The following ATG10 variants were observed in gnomAD, a reference collection of about 807,000 sequenced individuals.
ATG10 encodes the protein ubiquitin-like-conjugating enzyme ATG10.
A neutral mutation model predicts 32.1 loss-of-function variants in ATG10; 30 were observed. The ratio of observed to expected loss-of-function variants is 0.94; its 90% CI spans 0.70 to 1.27. The LOEUF is 1.27. Among genes scored for constraint, ATG10 ranks in the 50% most tolerant of loss-of-function variants. The pLI is 0.00. For missense variants in ATG10, 233 were observed against 262.3 expected, an observed-to-expected ratio of 0.89 and a Z score of 0.77; for synonymous variants, 87 against 91.5, an observed-to-expected ratio of 0.95 and a Z score of 0.28.
At chr5:82,173,089 G>A (rs1341742138) in intron 4 of ATG10, among the ~76,000 whole-genome samples, 1 of 152,056 alleles carries the variant, frequency 6.6e-6, no homozygotes, top group African/African-American at 2.4e-5. Context: ...ATTTCTAATG[G>A]CCACATTCAG....
intron 3 of ATG10, among the ~76,000 whole-genome samples, chr5:82,097,571 T>A (rs1765111145): frequency 6.6e-6 from 1 of 152,208 alleles, no homozygotes; most frequent in Non-Finnish European, 1.5e-5. Context: ...ATTTAATTTT[T>A]AAATATATTT....
At chr5:82,059,437 AT>A (rs1763701403) in intron 3 of ATG10, among the ~76,000 whole-genome samples, 1 of 150,814 alleles carries the variant, frequency 6.6e-6, no homozygotes, top group African/African-American at 2.4e-5. Context: ...GAACAAGTAT[AT>A]CATGGACATC....
chr5:82,084,290 T>C (rs1164380886), intron 3 of ATG10, among the ~76,000 whole-genome samples: 1 of 151,176 alleles, frequency 6.6e-6, no homozygotes, highest in African/African-American at 2.4e-5. Flanking sequence ...GTAAAAAGAG[T>C]AAAAAGAAAC....
At chr5:81,977,632 CT>C (rs1020606175) in intron 1 of ATG10, among the ~76,000 whole-genome samples, 5 of 152,342 alleles carry the variant, frequency 3.3e-5, no homozygotes, top group African/African-American at 1.2e-4. Context: ...CAGACCCTGT[CT>C]TTGCAGGAGC....
intron 5 of ATG10, among the ~76,000 whole-genome samples, chr5:82,240,786 T>C (rs1746757583): frequency 6.6e-6 from 1 of 152,190 alleles, no homozygotes. Context: ...TATGTACAAC[T>C]ATTATATATC....
intron 3 of ATG10, among the ~76,000 whole-genome samples, chr5:82,142,889 C>CT (rs2149868089): frequency 6.6e-6 from 1 of 152,264 alleles, no homozygotes; most frequent in South Asian, 2.1e-4. Flanking sequence ...TTTTGGACAT[C>CT]TGGGTATTAT....
At chr5:82,234,572 C>G (rs531424337) in intron 5 of ATG10, among the ~76,000 whole-genome samples, 4 of 152,172 alleles carry the variant, frequency 2.6e-5, no homozygotes, top group African/African-American at 7.2e-5. Context: ...TTGAAGGTCA[C>G]GCTAGCTCTG....
At chr5:82,162,382 A>G (rs560904694) in intron 3 of ATG10, among the ~76,000 whole-genome samples, 1 of 152,324 alleles carries the variant, frequency 6.6e-6, no homozygotes, top group Non-Finnish European at 1.5e-5. Context: ...ATTAAAAACA[A>G]TATTCAGTAT....
rs542551629 is a variant in ATG10 at position 82,086,403 on chromosome 5, A to C, written c.216+27801A>C. Among the ~76,000 whole-genome samples the C allele has an allele frequency of 2.6e-5, 4 of 152,332 alleles. No homozygotes were observed. In the South Asian group the frequency reaches 8.3e-4, roughly 32 times the overall value. On this transcript the variant is annotated intron_variant, in intron 3 of 7. Transcript: ENST00000282185. ...AACAATAACAATAGCCAAGTAAATT[A>C]GTATAGTAATAGCTTTAGGGATATA...
At chr5:82,217,054 C>CA (rs144022531) in intron 5 of ATG10, among the ~76,000 whole-genome samples, 67,668 of 144,092 alleles carry the variant, frequency 0.47, 16,812 homozygotes, top group African/African-American at 0.67. Flanking sequence ...GACTCAGTCT[C>CA]AAAAAAAAAA....
intron 2 of ATG10, among the ~76,000 whole-genome samples, chr5:82,004,511 A>G (rs1387636061): frequency 6.6e-6 from 1 of 152,224 alleles, no homozygotes; most frequent in Non-Finnish European, 1.5e-5. Flanking sequence ...ACCTGACCCT[A>G]TTTCTTCAAA....
At chr5:82,210,442 C>T (rs918703866) in intron 5 of ATG10, among the ~76,000 whole-genome samples, 2 of 152,118 alleles carry the variant, frequency 1.3e-5, no homozygotes, top group Non-Finnish European at 2.9e-5. Flanking sequence ...TGTAGTCTTT[C>T]CAAATCCCAT....
intron 3 of ATG10, among the ~76,000 whole-genome samples, chr5:82,123,499 T>C (rs375404345): frequency 6.6e-6 from 1 of 150,874 alleles, no homozygotes; most frequent in East Asian, 1.9e-4. Flanking sequence ...AAACTTCACA[T>C]GTATCCCTAA....
intron 5 of ATG10, among the ~76,000 whole-genome samples, chr5:82,181,036 A>G (rs553739391): frequency 3.3e-5 from 5 of 152,288 alleles, no homozygotes; most frequent in East Asian, 1.9e-4. Flanking sequence ...CTTTCATTTT[A>G]TAGTTATTTC....
intron 3 of ATG10, among the ~76,000 whole-genome samples, chr5:82,112,365 G>A (rs1308887796): frequency 6.6e-6 from 1 of 151,792 alleles, no homozygotes; most frequent in Non-Finnish European, 1.5e-5. Context: ...TGAATCTTTT[G>A]TATAGGTACT....
In ATG10 at chr5:82,022,433, A is replaced by G. The variant is rs1343280660; in HGVS notation, c.108+34755A>G. ...AGCCTCCACCTCCCAGGTTCAAGCA[A>G]TTCTCCTGCCTCAGCCTCCCGAGTA... On this transcript the variant is annotated intron_variant, in intron 2 of 7. Coordinates refer to ENST00000282185, the MANE Select transcript of ATG10 (RefSeq NM_031482.5). 6.0e-5 allele frequency among the ~76,000 whole-genome samples: 9 copies of G among 150,262 alleles called. No individual in the cohort carries two copies. In the South Asian group the frequency reaches 6.4e-4, roughly 11 times the overall value.
intron 2 of ATG10, among the ~76,000 whole-genome samples, chr5:82,043,032 C>T (rs886992910): frequency 1.3e-5 from 2 of 152,304 alleles, no homozygotes; most frequent in Admixed American, 6.5e-5. Context: ...GGGGCTCCAA[C>T]CCCACATTTT....
chr5:82,135,571 C>T (rs1327264945), intron 3 of ATG10, among the ~76,000 whole-genome samples: 1 of 152,168 alleles, frequency 6.6e-6, no homozygotes, highest in Non-Finnish European at 1.5e-5. Context: ...AATTTGTTTG[C>T]ACTGTGATCT....
At chr5:82,030,091 C>A (rs11741569) in intron 2 of ATG10, among the ~76,000 whole-genome samples, 1 of 152,064 alleles carries the variant, frequency 6.6e-6, no homozygotes, top group Non-Finnish European at 1.5e-5. Flanking sequence ...TTCTTATGGC[C>A]TGAGGCTTCT....
Sources: gnomAD v4.1 joint callset for allele counts (sites outside exome capture counted in the v4.1 genomes callset) on GRCh38, gnomAD v4.1.1 for gene constraint, MANE v1.5 for transcripts, NCBI Gene and HGNC (gene_info 2026-07-23, HGNC 2026-07-21) for gene names.